Variants in ARPC5 observed in about 807,000 individuals in gnomAD.
ARPC5 encodes the protein actin related protein 2/3 complex subunit 5, also known as actin-related protein 2/3 complex subunit 5.
In ARPC5, 5 loss-of-function variants were observed where a neutral mutation model predicts 15.4. The observed-to-expected ratio is 0.32, with a 90% CI of 0.17 to 0.68. The LOEUF is 0.68. ARPC5 is among the 30% of genes least tolerant of loss of function. ARPC5 has a pLI of 0.71. For synonymous variants in ARPC5, 85 were observed against 72.2 expected (o/e 1.18, Z -0.90); for missense variants, 138 against 192.8 (o/e 0.72, Z 1.68).
intron 2 of ARPC5, chr1:183,632,217 C>A (rs1237434421): frequency 1.3e-5 from 2 of 152,126 alleles, no homozygotes; most frequent in East Asian, 3.8e-4. Flanking sequence ...CTATGGGCAT[C>A]ATTTTAAATA....
rs1198278298 is a variant in ARPC5 at position 183,635,736 on chromosome 1, C to G, written c.-77G>C. 1.9e-6 allele frequency: 3 copies of G among 1,542,560 alleles called. No individual in the cohort carries two copies. Among genetic ancestry groups the G allele is most frequent in the South Asian group, 1.2e-5 (1 of 80,682 alleles). On this transcript the variant is annotated 5_prime_UTR_variant, in exon 1 of 4. Coordinates refer to ENST00000359856, the MANE Select transcript of ARPC5 (RefSeq NM_005717.4). ...GCAAGCCCAGCCCAGCAACCCACTACCCGGCGCCTGATTCACTTCCCTCTT... is the reference window on the plus strand; with the variant it reads ...GCAAGCCCAGCCCAGCAACCCACTAGCCGGCGCCTGATTCACTTCCCTCTT...
At chr1:183,634,424 A>C (rs1339265195) in intron 1 of ARPC5, among the ~76,000 whole-genome samples, 1 of 152,182 alleles carries the variant, frequency 6.6e-6, no homozygotes, top group Non-Finnish European at 1.5e-5. Context: ...TCACTCTCAT[A>C]TTTCCCCACT....
At chr1:183,633,458 G>A (rs1036908222) in intron 1 of ARPC5, 7 of 187,670 alleles carry the variant, frequency 3.7e-5, no homozygotes, top group Non-Finnish European at 5.5e-5. Flanking sequence ...TACCTAGAGT[G>A]GTGTTAAAGA....
At chr1:183,632,465 A>G (rs1227974225) in intron 2 of ARPC5, 1 of 152,240 alleles carries the variant, frequency 6.6e-6, no homozygotes, top group African/African-American at 2.4e-5. Context: ...ATATAACAAA[A>G]GATTAGTTAT....
rs901127100 is a variant in ARPC5 at position 183,633,063 on chromosome 1, G to A, written c.216+19C>T. ...ATAAGATATCAGCAGAGATCACTGT[G>A]TTGTAGTCTGCGACTCACCTTCACT... is the stretch of plus-strand genomic sequence containing the variant. On this transcript the variant is annotated intron_variant, in intron 2 of 3. Transcript: ENST00000359856. 1.8e-5 allele frequency: 29 copies of A among 1,573,414 alleles called. No homozygotes were observed. Among genetic ancestry groups the A allele is most frequent in the Middle Eastern group, 1.7e-4 (1 of 6,010 alleles).
chr1:183,627,302 G>A lies in ARPC5; in HGVS notation c.*230C>T. On this transcript the variant is annotated 3_prime_UTR_variant, in exon 4 of 4. Transcript: ENST00000359856. ...AGATTGGTATAAACATCACTGAAATGGTTTTGAAAGGATGAAACACTTCTA... is the reference window on the plus strand; with the variant it reads ...AGATTGGTATAAACATCACTGAAATAGTTTTGAAAGGATGAAACACTTCTA... 1.8e-6 allele frequency: 1 copy of A among 558,620 alleles called. No individual in the cohort carries two copies. The highest frequency in any genetic ancestry group is 2.2e-5 in the South Asian group (1 of 44,710). 34.6% of individuals were successfully genotyped at this position (558,620 alleles called of 1,614,324 possible). A position where few individuals can be genotyped will look rare whatever the true frequency, so the allele number is the denominator to read the frequency against.
chr1:183,633,171 G>A lies in ARPC5; in HGVS notation c.144-17C>T, dbSNP rs1402647373. On this transcript the variant is annotated splice_polypyrimidine_tract_variant and intron_variant, in intron 1 of 3. Transcript: ENST00000359856. Reference sequence around the variant, plus strand: ...ATGTTTCCTGTGATGGAAGTTAAGGGTGTAACAGCAAAGGATGGCCCCCAG... The same window carrying A: ...ATGTTTCCTGTGATGGAAGTTAAGGATGTAACAGCAAAGGATGGCCCCCAG... 6.3e-7 allele frequency: 1 copy of A among 1,580,488 alleles called. No individual in the cohort carries two copies. The highest frequency in any genetic ancestry group is 2.3e-5 in the East Asian group (1 of 43,556).
At position 183,627,535 on chromosome 1, in the gene ARPC5, C is replaced by T. The variant is rs1352083185; in HGVS notation, c.453G>A (p.Val151=). 3 of 1,614,010 alleles carry T rather than the reference C, an allele frequency of 1.9e-6. No individual in the cohort carries two copies. Among genetic ancestry groups the T allele is most frequent in the Admixed American group, 1.7e-5 (1 of 60,028 alleles). The change falls in exon 4 of 4, where the codon GTG becomes GTA. Residue 151 remains valine (V), a synonymous_variant. Coordinates refer to ENST00000359856, the MANE Select transcript of ARPC5 (RefSeq NM_005717.4). The part of the protein sequence containing the change: ...IVRVLTARKT[V] ...AGATAATCCACTTCCTGCCAGACTA[C>T]ACAGTTTTTCTTGCAGTCAAGACAC... is the stretch of plus-strand genomic sequence containing the variant.
At chr1:183,630,388 G>A in intron 3 of ARPC5, 73 bp downstream of exon 3, 1 of 1,209,920 alleles carries the variant, frequency 8.3e-7, no homozygotes, top group Non-Finnish European at 1.1e-6. Context: ...TGGTTATTTA[G>A]GTGAGAGAGG....
chr1:183,622,463 G>A lies in ARPC5; in HGVS notation c.*5069C>T, dbSNP rs1206179261. On this transcript the variant is annotated 3_prime_UTR_variant, in exon 4 of 4. Transcript: ENST00000359856. ...AGTATGATGTTATTCAGAGGCATTG[G>A]CCATTTAAGTTATTCATTACCCTAA... The A allele has an allele frequency of 6.6e-6, 1 of 152,112 alleles. No homozygotes were observed. Among genetic ancestry groups the A allele is most frequent in the African/African-American group, 2.4e-5 (1 of 41,404 alleles). 9.4% of individuals were successfully genotyped at this position (152,112 alleles called of 1,614,324 possible). A position where few individuals can be genotyped will look rare whatever the true frequency, so the allele number is the denominator to read the frequency against.
rs1327644223 is a variant in ARPC5, at chr1:183,624,109, A to G, written c.*3423T>C. 6.6e-6 allele frequency: 1 copy of G among 152,400 alleles called. No homozygotes were observed. The highest frequency in any genetic ancestry group is 1.5e-5 in the Non-Finnish European group (1 of 68,198). 9.4% of individuals were successfully genotyped at this position (152,400 alleles called of 1,614,324 possible). On this transcript the variant is annotated 3_prime_UTR_variant, in exon 4 of 4. Coordinates refer to ENST00000359856, the MANE Select transcript of ARPC5 (RefSeq NM_005717.4). The stretch of plus-strand genomic sequence containing the variant: ...TGATCATCAATGTCTATTTCAGCTA[A>G]TAAAACATTATGATTTCCTATAATT...
intron 3 of ARPC5, among the ~76,000 whole-genome samples, chr1:183,628,864 T>C (rs903403520): frequency 2.6e-5 from 4 of 152,214 alleles, no homozygotes; most frequent in Admixed American, 1.3e-4. Flanking sequence ...ACTTGGGAAC[T>C]TTGACTTTAT....
Position 183,627,338 on chromosome 1 carries a change from A to T in ARPC5, c.*194T>A, listed in dbSNP as rs552013019. 1.6e-6 allele frequency: 1 copy of T among 620,742 alleles called. No individual in the cohort carries two copies. The highest frequency in any genetic ancestry group is 2.0e-5 in the South Asian group (1 of 50,618). The allele number at this position is 620,742 out of a possible 1,614,324, so 38.5% of individuals were successfully genotyped here. A position where few individuals can be genotyped will look rare whatever the true frequency, so the allele number is the denominator to read the frequency against. ...GATGAAACACTTCTATTTTAACACA[A>T]TTTCTTCTATATTATCCCAATTTTC... is the stretch of plus-strand genomic sequence containing the variant. On this transcript the variant is annotated 3_prime_UTR_variant, in exon 4 of 4. Transcript: ENST00000359856.
rs564555316 is a variant in ARPC5, at chr1:183,632,197, G to A, written c.216+885C>T. ...GGATGTATGAATAGCTATGGACAAC[G>A]GGGTTGATGCTATGGGCATCATTTT... On this transcript the variant is annotated intron_variant, in intron 2 of 3. Transcript: ENST00000359856. The A allele has an allele frequency of 7.2e-5, 11 of 152,246 alleles. No individual in the cohort carries two copies. The South Asian group carries it at 1.9e-3, about 26-fold the overall frequency. The allele number at this position is 152,246 out of a possible 1,614,324, so 9.4% of individuals were successfully genotyped here. A position where few individuals can be genotyped will look rare whatever the true frequency, so the allele number is the denominator to read the frequency against.
chr1:183,634,264 A>G (rs2767304), intron 1 of ARPC5, among the ~76,000 whole-genome samples: 60,882 of 152,092 alleles, frequency 0.4, 12,439 homozygotes, highest in African/African-American at 0.48. Context: ...CATTTTTTAT[A>G]ACTCCAAGCA....
Position 183,623,934 on chromosome 1 carries a change from A to G in ARPC5, c.*3598T>C. On this transcript the variant is annotated 3_prime_UTR_variant, in exon 4 of 4. Coordinates refer to ENST00000359856, the MANE Select transcript of ARPC5 (RefSeq NM_005717.4). ...GCTACTCAGGAGGCTGAGGCAGGAG[A>G]ATCGCTTGAGCCTGGGAGGTGGAGG... The G allele has an allele frequency of 5.6e-6, 1 of 179,820 alleles. No individual in the cohort carries two copies. Among genetic ancestry groups the G allele is most frequent in the Non-Finnish European group, 1.2e-5 (1 of 86,172 alleles). The allele number at this position is 179,820 out of a possible 1,614,324, so 11.1% of individuals were successfully genotyped here.
At position 183,623,234 on chromosome 1, in the gene ARPC5, A is replaced by T; in HGVS notation, c.*4298T>A. 1.6e-6 allele frequency: 1 copy of T among 612,550 alleles called. No homozygotes were observed. Among genetic ancestry groups the T allele is most frequent in the Non-Finnish European group, 2.9e-6 (1 of 349,996 alleles). 37.9% of individuals were successfully genotyped at this position (612,550 alleles called of 1,614,324 possible). On this transcript the variant is annotated 3_prime_UTR_variant, in exon 4 of 4. Transcript: ENST00000359856. ...TTTCATGTGGTGTGGATTCTAGGGA[A>T]CTGTTTCAGAGAGAAATAAGAGATG... is the stretch of plus-strand genomic sequence containing the variant.
At chr1:183,629,450 G>T (rs1649203381) in intron 3 of ARPC5, among the ~76,000 whole-genome samples, 2 of 152,086 alleles carry the variant, frequency 1.3e-5, no homozygotes, top group South Asian at 4.1e-4. Flanking sequence ...CCAAATTGGT[G>T]CATTTTAGAG....
chr1:183,633,305 T>A (rs1649322207), intron 1 of ARPC5, 151 bp from the exon 2 acceptor site: 1 of 539,454 alleles, frequency 1.9e-6, no homozygotes, highest in African/African-American at 2.0e-5. Context: ...TTCCAGGATG[T>A]TAATCAAAGG....
Sources: gnomAD v4.1 joint callset for allele counts (sites outside exome capture counted in the v4.1 genomes callset) on GRCh38, gnomAD v4.1.1 for gene constraint, MANE v1.5 for transcripts, NCBI Gene and HGNC (gene_info 2026-07-23, HGNC 2026-07-21) for gene names.